FAM20B: variants seen among roughly 807,000 people sequenced by gnomAD.
The protein encoded by FAM20B is FAM20B glycosaminoglycan xylosylkinase.
In FAM20B, 23 loss-of-function variants were observed where a neutral mutation model predicts 43.8. The ratio of observed to expected loss-of-function variants is 0.53; its 90% CI spans 0.38 to 0.74. The LOEUF (loss-of-function observed/expected upper bound fraction) is 0.74, where lower values mean the gene tolerates loss of function less well. FAM20B is among the 30% of genes least tolerant of loss of function. The probability of loss-of-function intolerance (pLI) is 0.00; values close to 1 mark genes in which losing one functional copy is unlikely to be tolerated. For missense variants in FAM20B, 440 were observed against 510.5 expected, an observed-to-expected ratio of 0.86 and a Z score of 1.33; for synonymous variants, 178 against 192.4, an observed-to-expected ratio of 0.93 and a Z score of 0.62.
At chr1:179,046,513 G>A (rs955455829) in intron 2 of FAM20B, among the ~76,000 whole-genome samples, 4 of 151,122 alleles carry the variant, frequency 2.6e-5, no homozygotes, top group African/African-American at 4.9e-5. Flanking sequence ...TTAGCCGGGC[G>A]TTTTGGTATG....
chr1:179,075,657 A>C lies in FAM20B; in HGVS notation c.*3513A>C, dbSNP rs1344596148. On this transcript the variant is annotated 3_prime_UTR_variant, in exon 8 of 8. Coordinates refer to ENST00000263733, the MANE Select transcript of FAM20B (RefSeq NM_014864.4). ...ATGAAATTTAAGAAGGAAATGGAAGAATTCAGGTACATTAATTGCATATTA... is the reference window on the plus strand; with the variant it reads ...ATGAAATTTAAGAAGGAAATGGAAGCATTCAGGTACATTAATTGCATATTA... 2.6e-5 allele frequency: 4 copies of C among 152,594 alleles called. No individual in the cohort carries two copies. Among genetic ancestry groups the C allele is most frequent in the Non-Finnish European group, 4.4e-5 (3 of 68,028 alleles). 9.5% of individuals were successfully genotyped at this position (152,594 alleles called of 1,614,324 possible). A position where few individuals can be genotyped will look rare whatever the true frequency, so the allele number is the denominator to read the frequency against.
At chr1:179,047,524 A>C (rs184888457) in intron 2 of FAM20B, among the ~76,000 whole-genome samples, 1 of 151,922 alleles carries the variant, frequency 6.6e-6, no homozygotes, top group Non-Finnish European at 1.5e-5. Context: ...ATCATCTCCT[A>C]AACAGCCTGT....
chr1:179,043,465 C>G (rs1650628492), intron 1 of FAM20B, among the ~76,000 whole-genome samples: 1 of 152,150 alleles, frequency 6.6e-6, no homozygotes, highest in Non-Finnish European at 1.5e-5. Flanking sequence ...CCTTCCAGCT[C>G]CGTGGAGTGT....
intron 6 of FAM20B, 88 bp from the exon 7 acceptor site, chr1:179,066,712 G>C: frequency 2.3e-6 from 2 of 868,602 alleles, no homozygotes; most frequent in South Asian, 1.4e-5. Context: ...GATCACATTT[G>C]AGTTTCATAT....
At chr1:179,049,992 T>G (rs1053072026) in intron 2 of FAM20B, among the ~76,000 whole-genome samples, 10 of 152,260 alleles carry the variant, frequency 6.6e-5, no homozygotes, top group African/African-American at 2.4e-4. Flanking sequence ...ACCTTTTATC[T>G]GTACTAAAAC....
Position 179,066,840 on chromosome 1 carries a change from C to G in FAM20B, c.979C>G (p.Pro327Ala). Residue 327 changes from proline (P) to alanine (A), a missense_variant, in exon 7 of 8, where the codon CCT (proline) becomes GCT (alanine). Pro to Ala is a conservative substitution (Grantham distance 27). Transcript: ENST00000263733. ...GCTGGATGAAAGAAGCATTCTTGCC[C>G]CTCTCTATCAGTGTTGCATGTAAGT... ...PSLDERSILA[P>A]LYQCCIIRVS... is the part of the protein sequence containing the mutation. 6.2e-7 allele frequency: 1 copy of G among 1,612,550 alleles called. No individual in the cohort carries two copies. The highest frequency in any genetic ancestry group is 8.5e-7 in the Non-Finnish European group (1 of 1,178,632).
At chr1:179,039,333 C>A (rs910087085) in intron 1 of FAM20B, among the ~76,000 whole-genome samples, 2 of 152,124 alleles carry the variant, frequency 1.3e-5, no homozygotes, top group African/African-American at 2.4e-5. Flanking sequence ...GTATTTGGAG[C>A]CTTTTAACTT....
chr1:179,041,689 AGACGGGAGACGGG>A (rs1329610241), intron 1 of FAM20B, among the ~76,000 whole-genome samples: 1 of 145,996 alleles, frequency 6.8e-6, no homozygotes, highest in African/African-American at 2.5e-5. Context: ...AGGGAGAGGG[AGACGGGAGACGGG>A]GAGGGAGACA....
intron 1 of FAM20B, among the ~76,000 whole-genome samples, chr1:179,042,383 T>C (rs1307234193): frequency 6.6e-6 from 1 of 152,202 alleles, no homozygotes; most frequent in Non-Finnish European, 1.5e-5. Flanking sequence ...GAGTATCACA[T>C]GCAGCTTCTG....
chr1:179,047,968 G>C (rs1263877944), intron 2 of FAM20B, among the ~76,000 whole-genome samples: 1 of 152,178 alleles, frequency 6.6e-6, no homozygotes, highest in Admixed American at 6.5e-5. Flanking sequence ...CATTTCTGGA[G>C]CCTGATTATC....
rs1650416229 is a variant in FAM20B, at chr1:179,040,016, A to G, written c.-133-3699A>G. ...TTAATCCATTTAACCCTGAGTGGACACAGCACATGTTTCAGAGAGCACAGG... is the reference window on the plus strand; with the variant it reads ...TTAATCCATTTAACCCTGAGTGGACGCAGCACATGTTTCAGAGAGCACAGG... On this transcript the variant is annotated intron_variant, in intron 1 of 7. Coordinates refer to ENST00000263733, the MANE Select transcript of FAM20B (RefSeq NM_014864.4). Among the ~76,000 whole-genome samples the G allele has an allele frequency of 1.3e-5, 2 of 152,232 alleles. 1 individual carries two copies. Among genetic ancestry groups the G allele is most frequent in the South Asian group, 4.1e-4 (2 of 4,832 alleles).
chr1:179,019,739 G>A, the FAM20B span, among the ~76,000 whole-genome samples: 1 of 152,192 alleles, frequency 6.6e-6, no homozygotes, highest in Non-Finnish European at 1.5e-5. Flanking sequence ...CGAGATTACA[G>A]GTGTGGGCCA....
chr1:179,041,748 AGGGAAAG>A (rs1295384252), intron 1 of FAM20B, among the ~76,000 whole-genome samples: 4 of 151,000 alleles, frequency 2.6e-5, no homozygotes, highest in East Asian at 3.9e-4. Context: ...GGAGACGGGC[AGGGAAAG>A]GGGAGAGGGG....
At chr1:179,025,417 G>A (rs1461125618), upstream of FAM20B, among the ~76,000 whole-genome samples, 1 of 152,162 alleles carries the variant, frequency 6.6e-6, no homozygotes, top group African/African-American at 2.4e-5. Context: ...AGAAGCGGGG[G>A]ATACATTTAG....
chr1:179,022,328 G>A (rs1041602761), upstream of FAM20B, among the ~76,000 whole-genome samples: 1 of 152,120 alleles, frequency 6.6e-6, no homozygotes, highest in African/African-American at 2.4e-5. Flanking sequence ...CAGGCTCCTG[G>A]CACCTTGGAA....
the FAM20B span, among the ~76,000 whole-genome samples, chr1:179,020,043 C>T: frequency 6.6e-6 from 1 of 152,176 alleles, no homozygotes; most frequent in African/African-American, 2.4e-5. Flanking sequence ...GGTCACCTCC[C>T]TGTGCCACAA....
rs759856276 is a variant in FAM20B at position 179,043,875 on chromosome 1, T to A, written c.28T>A (p.Leu10Ile). 6.2e-7 allele frequency: 1 copy of A among 1,606,428 alleles called. No homozygotes were observed. Among genetic ancestry groups the A allele is most frequent in the Non-Finnish European group, 8.5e-7 (1 of 1,173,580 alleles). Reference protein sequence around the residue: MKLKQRVVLLAILLVIFIFT... With the variant: MKLKQRVVLIAILLVIFIFT... Reference sequence around the variant, plus strand: ...GAAGCTAAAGCAGCGAGTCGTGCTGTTAGCAATTCTCCTTGTCATTTTTAT... The same window carrying A: ...GAAGCTAAAGCAGCGAGTCGTGCTGATAGCAATTCTCCTTGTCATTTTTAT... The change falls in exon 2 of 8, where the codon TTA (leucine) becomes ATA (isoleucine). Residue 10 changes from leucine to isoleucine, a missense_variant. By Grantham distance (5) the Leu-to-Ile change is conservative (BLOSUM62 2). Coordinates refer to ENST00000263733, the MANE Select transcript of FAM20B (RefSeq NM_014864.4).
chr1:179,041,698 ACG>A (rs1650554164), intron 1 of FAM20B, among the ~76,000 whole-genome samples: 1 of 146,990 alleles, frequency 6.8e-6, no homozygotes, highest in African/African-American at 2.5e-5. Context: ...GAGACGGGAG[ACG>A]GGGAGGGAGA....
intron 3 of FAM20B, among the ~76,000 whole-genome samples, chr1:179,053,967 C>G (rs1418732345): frequency 6.6e-6 from 1 of 152,148 alleles, no homozygotes; most frequent in East Asian, 1.9e-4. Context: ...AACTTTTGTT[C>G]AGTTGGTGTA....
Sources: allele counts gnomAD v4.1 joint callset (sites outside exome capture counted in the v4.1 genomes callset), GRCh38; gene constraint gnomAD v4.1.1; transcripts MANE v1.5; gene names NCBI Gene and HGNC (gene_info 2026-07-23, HGNC 2026-07-21).